The following HIPK2 variants were observed in gnomAD, a reference collection of about 807,000 sequenced individuals.
HIPK2 encodes the protein homeodomain interacting protein kinase 2.
A neutral mutation model predicts 113.7 loss-of-function variants in HIPK2; 27 were observed. The ratio of observed to expected loss-of-function variants is 0.24; its 90% CI spans 0.17 to 0.33. The LOEUF (loss-of-function observed/expected upper bound fraction) is 0.33, where lower values mean the gene tolerates loss of function less well. HIPK2 is among the 10% of genes least tolerant of loss of function. HIPK2 has a pLI of 1.00. For missense variants in HIPK2, 1,257 were observed against 1,588.0 expected (o/e 0.79, Z 3.54); for synonymous variants, 631 against 642.2 (o/e 0.98, Z 0.26).
At chr7:139,645,856 A>C (rs11973887) in intron 2 of HIPK2, among the ~76,000 whole-genome samples, 7,559 of 152,260 alleles carry the variant, frequency 0.05, 597 homozygotes, top group African/African-American at 0.17. Flanking sequence ...TCCGGACAAG[A>C]GCGAGCTCTC....
At position 139,720,552 on chromosome 7, in the gene HIPK2, CCT is replaced by C. The variant is rs1569480691; in HGVS notation, c.20-3539_20-3538del. Among the ~76,000 whole-genome samples the C allele has an allele frequency of 2.6e-5, 4 of 152,176 alleles. 1 individual carries two copies. In the South Asian group the frequency reaches 8.3e-4, roughly 31 times the overall value. ...TTCTTTTTGTTCAAGTCAACATCCC[CCT>C]TATTCTAAGTCAACATCCCCCTTAT... On this transcript the variant is annotated intron_variant, in intron 1 of 14. Transcript: ENST00000406875.
chr7:139,580,801 G>A (rs1212618355), intron 13 of HIPK2, among the ~76,000 whole-genome samples: 2 of 152,254 alleles, frequency 1.3e-5, no homozygotes, highest in Admixed American at 6.5e-5. Flanking sequence ...GTTAACAAGT[G>A]TAGAATGCTT....
At chr7:139,661,146 C>T (rs1223385256) in intron 2 of HIPK2, among the ~76,000 whole-genome samples, 1 of 152,182 alleles carries the variant, frequency 6.6e-6, no homozygotes, top group East Asian at 1.9e-4. Flanking sequence ...ATTTTAACTA[C>T]TAGCCCTTAA....
intron 2 of HIPK2, among the ~76,000 whole-genome samples, chr7:139,646,906 G>A (rs1801253150): frequency 6.6e-6 from 1 of 152,026 alleles, no homozygotes; most frequent in South Asian, 2.1e-4. Context: ...CTCTCCCTGA[G>A]CACACCCAGG....
At chr7:139,720,779 A>T (rs1308658779) in intron 1 of HIPK2, among the ~76,000 whole-genome samples, 5 of 152,128 alleles carry the variant, frequency 3.3e-5, no homozygotes, top group Admixed American at 2.6e-4. Context: ...GTCTTTAAGT[A>T]CCCGGAAGGG....
At position 139,618,144 on chromosome 7, in the gene HIPK2, T is replaced by A. The variant is rs563497753; in HGVS notation, c.1782+2257A>T. Among the ~76,000 whole-genome samples the A allele has an allele frequency of 2.6e-5, 4 of 152,356 alleles. No homozygotes were observed. The East Asian group carries it at 5.8e-4, about 22-fold the overall frequency. ...ATCACTCGGTGCCTCAGTTTCCTCC[T>A]CTAAAATGGAAATGATAATAATAAA... On this transcript the variant is annotated intron_variant, in intron 7 of 14. Transcript: ENST00000406875.
At chr7:139,724,398 T>C (rs570970724) in intron 1 of HIPK2, among the ~76,000 whole-genome samples, 56 of 152,342 alleles carry the variant, frequency 3.7e-4, no homozygotes, top group Non-Finnish European at 7.1e-4. Context: ...AAACAGTGTA[T>C]ACTGAATGTC....
intron 2 of HIPK2, among the ~76,000 whole-genome samples, chr7:139,675,663 TTA>T (rs1048220176): frequency 1.6e-4 from 24 of 152,114 alleles, no homozygotes; most frequent in Middle Eastern, 3.4e-3. Flanking sequence ...ATGCTGTGAG[TTA>T]TATGTTTGTG....
intron 2 of HIPK2, among the ~76,000 whole-genome samples, chr7:139,675,963 A>G (rs775109930): frequency 6.6e-6 from 1 of 152,094 alleles, no homozygotes; most frequent in Non-Finnish European, 1.5e-5. Context: ...AATCATTCTC[A>G]TGTCAACTTT....
At chr7:139,679,892 G>C (rs1027137079) in intron 2 of HIPK2, among the ~76,000 whole-genome samples, 1 of 151,802 alleles carries the variant, frequency 6.6e-6, no homozygotes, top group East Asian at 1.9e-4. Flanking sequence ...AGAACATTTA[G>C]CTTAAAATAA....
rs145575358 is a variant in HIPK2 at position 139,761,835 on chromosome 7, A to C, written c.19+15770T>G. On this transcript the variant is annotated intron_variant, in intron 1 of 14. Transcript: ENST00000406875. ...TTGGAGACTGTCATCCAAAAAAATC[A>C]GATAATAAAACAGTAATACATCATT... 8.3e-4 allele frequency among the ~76,000 whole-genome samples: 127 copies of C among 152,328 alleles called. 2 individuals carry two copies. In the East Asian group the frequency reaches 0.021, roughly 25 times the overall value.
Position 139,567,050 on chromosome 7 carries a change from G to A in HIPK2, c.*5877C>T, listed in dbSNP as rs965790430. On this transcript the variant is annotated 3_prime_UTR_variant, in exon 15 of 15. Transcript: ENST00000406875. ...ATGCTGGGTCCCTCTAGTGAGCCACGGTGCCAAAAGCCTCCAATAGGTTTT... is the reference window on the plus strand; with the variant it reads ...ATGCTGGGTCCCTCTAGTGAGCCACAGTGCCAAAAGCCTCCAATAGGTTTT... The A allele has an allele frequency of 2.0e-5, 3 of 152,324 alleles. No individual in the cohort carries two copies. Among genetic ancestry groups the A allele is most frequent in the African/African-American group, 7.2e-5 (3 of 41,554 alleles). 9.4% of individuals were successfully genotyped at this position (152,324 alleles called of 1,614,324 possible). A position where few individuals can be genotyped will look rare whatever the true frequency, so the allele number is the denominator to read the frequency against.
rs1212818243 is a variant in HIPK2, at chr7:139,697,278, G to A, written c.1103+18654C>T. ...TCTGCTTACACACAGGTGCCCAGGG[G>A]CCTCAGAGAGAGCTGCAGTAAAGCT... On this transcript the variant is annotated intron_variant, in intron 2 of 14. Coordinates refer to ENST00000406875, the MANE Select transcript of HIPK2 (RefSeq NM_022740.5). Among the ~76,000 whole-genome samples, 6 of 152,268 alleles carry A rather than the reference G, an allele frequency of 3.9e-5. No individual in the cohort carries two copies. In the East Asian group the frequency reaches 9.7e-4, roughly 25 times the overall value.
rs557094304 is a variant in HIPK2 at position 139,721,782 on chromosome 7, A to C, written c.20-4767T>G. On this transcript the variant is annotated intron_variant, in intron 1 of 14. Coordinates refer to ENST00000406875, the MANE Select transcript of HIPK2 (RefSeq NM_022740.5). ...GGGGACTACTGGACTTGGGAGGGCA[A>C]GTTTCGAGCCCATGGGGAGCAGTAA... is the stretch of plus-strand genomic sequence containing the variant. Among the ~76,000 whole-genome samples, 3 of 152,286 alleles carry C rather than the reference A, an allele frequency of 2.0e-5. No individual in the cohort carries two copies. The South Asian group carries it at 6.2e-4, about 32-fold the overall frequency.
chr7:139,723,684 T>A (rs1795485363), intron 1 of HIPK2, among the ~76,000 whole-genome samples: 1 of 152,172 alleles, frequency 6.6e-6, no homozygotes, highest in Non-Finnish European at 1.5e-5. Context: ...TACTGGAAGA[T>A]CAGACTACAA....
Position 139,599,912 on chromosome 7 carries a change from T to A in HIPK2, c.2435+505A>T, listed in dbSNP as rs1367972487. 5.9e-5 allele frequency among the ~76,000 whole-genome samples: 9 copies of A among 152,052 alleles called. 1 individual carries two copies. Among genetic ancestry groups the A allele is most frequent in the Admixed American group, 5.9e-4 (9 of 15,270 alleles). ...ACTTTTGGCAAAAAACCTTGCTAAGTCAGTTTAGCAAGAACCCACCATCCC... is the reference window on the plus strand; with the variant it reads ...ACTTTTGGCAAAAAACCTTGCTAAGACAGTTTAGCAAGAACCCACCATCCC... On this transcript the variant is annotated intron_variant, in intron 11 of 14. Transcript: ENST00000406875.
rs368477086 is a variant in HIPK2 at position 139,639,593 on chromosome 7, G to C, written c.1104-7868C>G. On this transcript the variant is annotated intron_variant, in intron 2 of 14. Transcript: ENST00000406875. ...AGATGGGGGAAATTGGAGGAGGAGA[G>C]AGAAAGCAGGATGGGCTTCCCAGGA... 3.6e-4 allele frequency among the ~76,000 whole-genome samples: 55 copies of C among 152,288 alleles called. 1 individual carries two copies. In the South Asian group the frequency reaches 0.01, roughly 29 times the overall value.
intron 2 of HIPK2, among the ~76,000 whole-genome samples, chr7:139,675,727 C>T (rs1802474135): frequency 6.6e-6 from 1 of 152,134 alleles, no homozygotes; most frequent in African/African-American, 2.4e-5. Flanking sequence ...TGGGGTTGAC[C>T]TGAGGTTTCT....
intron 1 of HIPK2, among the ~76,000 whole-genome samples, chr7:139,742,338 A>T (rs1796116634): frequency 6.6e-6 from 1 of 152,220 alleles, no homozygotes; most frequent in East Asian, 1.9e-4. Context: ...AAAAGAAGAA[A>T]AAAATGAGGT....
Sources: gnomAD v4.1 joint callset for allele counts (sites outside exome capture counted in the v4.1 genomes callset) on GRCh38, gnomAD v4.1.1 for gene constraint, MANE v1.5 for transcripts, NCBI Gene and HGNC (gene_info 2026-07-23, HGNC 2026-07-21) for gene names.